SLC66A1: variants seen among roughly 807,000 people sequenced by gnomAD.
SLC66A1 encodes the protein lysosomal amino acid transporter 1 homolog.
SLC66A1 carries 23 observed loss-of-function variants against 33.0 expected under a neutral mutation model. The ratio of observed to expected loss-of-function variants is 0.70; its 90% CI spans 0.50 to 0.99. SLC66A1 has a LOEUF of 0.99. Among genes scored for constraint, SLC66A1 ranks in the 50% least tolerant of loss-of-function variants. The probability of loss-of-function intolerance (pLI) is 0.00; values close to 1 mark genes in which losing one functional copy is unlikely to be tolerated. For missense variants in SLC66A1, 335 were observed against 383.6 expected, an observed-to-expected ratio of 0.87 and a Z score of 1.06; for synonymous variants, 164 against 175.5, an observed-to-expected ratio of 0.93 and a Z score of 0.52.
intron 5 of SLC66A1, 58 bp downstream of exon 5, chr1:19,326,445 C>T: frequency 1.9e-6 from 3 of 1,610,526 alleles, no homozygotes; most frequent in Non-Finnish European, 2.5e-6. Context: ...CAGGGCTCTC[C>T]CCTGCACAGC....
rs2093884208 is a variant in SLC66A1 at position 19,328,950 on chromosome 1, T to A, written c.*307T>A. On this transcript the variant is annotated 3_prime_UTR_variant, in exon 8 of 8. Transcript: ENST00000375153. The surrounding 1 kb of genome is among the most constrained non-coding windows in gnomAD (Gnocchi z 4.7). ...GCCTGCTGGACTCAGGACTGTCCTG[T>A]CAACTCCAGACAACTGAATAAACAG... 1 of 487,040 alleles carries A rather than the reference T, an allele frequency of 2.1e-6. No homozygotes were observed. The highest frequency in any genetic ancestry group is 2.5e-5 in the South Asian group (1 of 40,050). The allele number at this position is 487,040 out of a possible 1,614,324, so 30.2% of individuals were successfully genotyped here.
chr1:19,332,375 AC>A (rs2093895018), downstream of SLC66A1, among the ~76,000 whole-genome samples: 1 of 152,210 alleles, frequency 6.6e-6, no homozygotes, highest in Admixed American at 6.5e-5. Flanking sequence ...GTGTCCCAGC[AC>A]CTGGCACACA....
downstream of SLC66A1, among the ~76,000 whole-genome samples, chr1:19,332,974 G>T (rs538111903): frequency 6.6e-6 from 1 of 152,330 alleles, no homozygotes; most frequent in African/African-American, 2.4e-5. Flanking sequence ...TTTACCTGTT[G>T]AACGAGACAC....
At chr1:19,320,507 G>T (rs543596198) in intron 2 of SLC66A1, among the ~76,000 whole-genome samples, 1 of 148,506 alleles carries the variant, frequency 6.7e-6, no homozygotes, top group East Asian at 2.0e-4. Flanking sequence ...TCTGCCTTCC[G>T]GGTTCACGCC....
chr1:19,331,239 T>G (rs981975728), downstream of SLC66A1, among the ~76,000 whole-genome samples: 14 of 152,190 alleles, frequency 9.2e-5, no homozygotes, highest in African/African-American at 3.4e-4. Flanking sequence ...CTCGAACTCC[T>G]TACCTCAGGT....
In SLC66A1 at chr1:19,320,412, CTTTTTT is replaced by C. The variant is rs34520375; in HGVS notation, c.164+2589_164+2594del. Reference sequence around the variant, plus strand: ...ATCCTCCTCAACACTGGTGGCCTGTCTTTTTTTTTTTTTTTTTTTTTTTGACAGTCT... The same window carrying C: ...ATCCTCCTCAACACTGGTGGCCTGTCTTTTTTTTTTTTTTTTTGACAGTCT... On this transcript the variant is annotated intron_variant, in intron 2 of 7. Transcript: ENST00000375153. 9.1e-5 allele frequency among the ~76,000 whole-genome samples: 9 copies of C among 98,630 alleles called. No individual in the cohort carries two copies. In the South Asian group the frequency reaches 1.0e-3, roughly 11 times the overall value. The allele number at this position is 98,630 out of a possible 152,430, so 64.7% of individuals were successfully genotyped here. A position where few individuals can be genotyped will look rare whatever the true frequency, so the allele number is the denominator to read the frequency against.
chr1:19,326,303 G>C lies in SLC66A1; in HGVS notation c.441G>C (p.Pro147=), dbSNP rs200683177. The C allele has an allele frequency of 6.2e-7, 1 of 1,606,828 alleles. No homozygotes were observed. Among genetic ancestry groups the C allele is most frequent in the Middle Eastern group, 1.7e-4 (1 of 6,048 alleles). Residue 147 remains proline, a synonymous_variant, in exon 5 of 8, where the codon CCG becomes CCC. Transcript: ENST00000375153. The stretch of plus-strand genomic sequence containing the variant: ...TCATGGGGATGGCGTGCGCCACACC[G>C]CTGCTGAGTGCTGCTGGGCCCGTGG... ...LFLMGMACAT[P]LLSAAGPVAA... is the part of the protein sequence containing the mutation.
chr1:19,320,683 G>A (rs900164175), intron 2 of SLC66A1, among the ~76,000 whole-genome samples: 5 of 151,290 alleles, frequency 3.3e-5, no homozygotes, highest in East Asian at 1.9e-4. Flanking sequence ...CCAAAGTGCT[G>A]GGATTACAGG....
intron 7 of SLC66A1, chr1:19,327,766 C>T (rs549804847): frequency 3.3e-4 from 144 of 430,898 alleles, no homozygotes; most frequent in African/African-American, 2.3e-3. Flanking sequence ...AGCCAGGGAC[C>T]GTCCTGGTTA....
chr1:19,320,640 T>C lies in SLC66A1; in HGVS notation c.164+2799T>C, dbSNP rs187347986. On this transcript the variant is annotated intron_variant, in intron 2 of 7. Coordinates refer to ENST00000375153, the MANE Select transcript of SLC66A1 (RefSeq NM_001040125.2). ...CCGTGTTAGCCAGGATGGTCTCGAT[T>C]TCCTGACCTTGTGATCCGCCCGCCT... 7.5e-3 allele frequency among the ~76,000 whole-genome samples: 1,141 copies of C among 151,662 alleles called. 15 individuals carry two copies. Among genetic ancestry groups the C allele is most frequent in the East Asian group, 0.059 (303 of 5,136 alleles).
intron 7 of SLC66A1, 31 bp downstream of exon 7, chr1:19,327,443 G>A (rs760723012): frequency 1.1e-5 from 18 of 1,569,104 alleles, no homozygotes; most frequent in African/African-American, 5.4e-5. Flanking sequence ...GGCAGGTGGC[G>A]GGGTGTGGGC....
Position 19,317,901 on chromosome 1 carries a change from A to G in SLC66A1, c.164+60A>G, listed in dbSNP as rs1569745427. 6 of 1,574,714 alleles carry G rather than the reference A, an allele frequency of 3.8e-6. No homozygotes were observed. The South Asian group carries it at 5.8e-5, about 15-fold the overall frequency. On this transcript the variant is annotated intron_variant, in intron 2 of 7. Coordinates refer to ENST00000375153, the MANE Select transcript of SLC66A1 (RefSeq NM_001040125.2). ...GCTGTGGGGTTGAGGCAGTGGCTCC[A>G]GCTACTGCTCAGCGAGGGGTTGTCT...
intron 2 of SLC66A1, among the ~76,000 whole-genome samples, chr1:19,320,542 T>G (rs1427456252): frequency 8.4e-5 from 12 of 142,386 alleles, no homozygotes; most frequent in East Asian, 6.4e-4. Context: ...GCCTCCCGAG[T>G]AGCTGGGACT....
chr1:19,331,340 A>G (rs1380822455), downstream of SLC66A1, among the ~76,000 whole-genome samples: 1 of 152,118 alleles, frequency 6.6e-6, no homozygotes, highest in Non-Finnish European at 1.5e-5. Context: ...GCCATTTTAC[A>G]GATGGGAGAA....
At chr1:19,318,046 C>T (rs2093815214) in intron 2 of SLC66A1, among the ~76,000 whole-genome samples, 1 of 152,202 alleles carries the variant, frequency 6.6e-6, no homozygotes. Context: ...AGATCATCAC[C>T]TTTGCAACAG....
chr1:19,316,367 G>GTA (rs1252831597), intron 1 of SLC66A1, among the ~76,000 whole-genome samples: 1 of 151,220 alleles, frequency 6.6e-6, no homozygotes, highest in African/African-American at 2.4e-5. Flanking sequence ...GTGTGTGTGT[G>GTA]TGTGTGTGTG....
intron 4 of SLC66A1, 49 bp downstream of exon 4, chr1:19,325,631 G>GC: frequency 1.9e-6 from 2 of 1,063,690 alleles, no homozygotes; most frequent in Non-Finnish European, 2.8e-6. Flanking sequence ...GCAGCAGGGG[G>GC]CAGTTGTGGG....
chr1:19,333,548 CCTTT>C (rs1478061529), downstream of SLC66A1, among the ~76,000 whole-genome samples: 1 of 152,164 alleles, frequency 6.6e-6, no homozygotes, highest in African/African-American at 2.4e-5. The surrounding 1 kb of genome is among the most constrained non-coding windows in gnomAD (Gnocchi z 4.2). Flanking sequence ...CACTCTCCAC[CCTTT>C]CTGTCTGTGT....
intron 2 of SLC66A1, 104 bp from the exon 3 acceptor site, chr1:19,324,529 C>T (rs754074043): frequency 4.9e-5 from 70 of 1,423,370 alleles, no homozygotes; most frequent in Non-Finnish European, 6.3e-5. Context: ...TCTCCATCGC[C>T]GCCTCGATCC....
Sources: allele counts gnomAD v4.1 joint callset (sites outside exome capture counted in the v4.1 genomes callset), GRCh38; gene constraint gnomAD v4.1.1; non-coding constraint Gnocchi (gnomAD v3.1); transcripts MANE v1.5; gene names NCBI Gene and HGNC (gene_info 2026-07-23, HGNC 2026-07-21).